Variants in SCAPER observed in about 807,000 individuals in gnomAD.
The protein encoded by SCAPER is S phase cyclin A-associated protein in the endoplasmic reticulum.
A neutral mutation model predicts 182.2 loss-of-function variants in SCAPER; 98 were observed. That is an observed-to-expected ratio of 0.54 (90% confidence interval 0.46 to 0.64). The LOEUF (loss-of-function observed/expected upper bound fraction) is 0.64, where lower values mean the gene tolerates loss of function less well. Ranked by LOEUF, SCAPER falls within the 30% of genes least tolerant of loss-of-function variation. The probability of loss-of-function intolerance (pLI) is 0.00; values close to 1 mark genes in which losing one functional copy is unlikely to be tolerated. For missense variants in SCAPER, 1,432 were observed against 1,690.0 expected, an observed-to-expected ratio of 0.85 and a Z score of 2.68; for synonymous variants, 605 against 564.6, an observed-to-expected ratio of 1.07 and a Z score of -1.01.
At chr15:76,871,408 CAAA>C (rs1220368116) in intron 2 of SCAPER, among the ~76,000 whole-genome samples, 1 of 67,944 alleles carries the variant, frequency 1.5e-5, no homozygotes, top group Non-Finnish European at 3.1e-5. Flanking sequence ...GACTCCATCT[CAAA>C]AAAAAAAAAA....
chr15:76,361,977 A>G (rs2041450009), intron 29 of SCAPER, among the ~76,000 whole-genome samples: 1 of 144,090 alleles, frequency 6.9e-6, no homozygotes, highest in Non-Finnish European at 1.5e-5. Context: ...TGTTAAACAC[A>G]TTTTTTTTTT....
intron 5 of SCAPER, among the ~76,000 whole-genome samples, chr15:76,817,155 T>C (rs962401313): frequency 2.0e-5 from 3 of 152,234 alleles, no homozygotes; most frequent in African/African-American, 7.2e-5. Flanking sequence ...ATTATAATCT[T>C]ATGAACCACC....
intron 18 of SCAPER, 51 bp from the exon 19 acceptor site, chr15:76,703,053 T>G: frequency 6.7e-7 from 1 of 1,499,676 alleles, no homozygotes; most frequent in South Asian, 1.4e-5. Context: ...CAAATTATGG[T>G]GAGAAATTGG....
At chr15:76,876,438 CAAAAAA>C (rs33959211) in intron 2 of SCAPER, among the ~76,000 whole-genome samples, 1 of 122,752 alleles carries the variant, frequency 8.1e-6, no homozygotes, top group Non-Finnish European at 1.7e-5. Context: ...AAAACAAAAG[CAAAAAA>C]AAAAAAAAAA....
At chr15:76,831,559 T>C (rs560845777) in intron 5 of SCAPER, among the ~76,000 whole-genome samples, 6 of 138,326 alleles carry the variant, frequency 4.3e-5, no homozygotes, top group African/African-American at 1.4e-4. Context: ...AATCACCCCA[T>C]TGGTGAGTAC....
chr15:76,393,376 T>C (rs1270125226), intron 27 of SCAPER, among the ~76,000 whole-genome samples: 1 of 152,248 alleles, frequency 6.6e-6, no homozygotes, highest in African/African-American at 2.4e-5. Context: ...TGCCTAGTCC[T>C]GTTACATTCA....
intron 20 of SCAPER, among the ~76,000 whole-genome samples, chr15:76,678,468 G>A (rs930303271): frequency 6.6e-6 from 1 of 151,996 alleles, no homozygotes; most frequent in Admixed American, 6.5e-5. Flanking sequence ...CTTTAAGCCT[G>A]CCCAGCACGA....
At chr15:76,756,369 G>T (rs1353845978) in intron 14 of SCAPER, among the ~76,000 whole-genome samples, 1 of 151,956 alleles carries the variant, frequency 6.6e-6, no homozygotes, top group Non-Finnish European at 1.5e-5. Context: ...TTGATGCCAG[G>T]AATTTGAGAC....
chr15:76,595,050 A>C (rs1415813571), intron 22 of SCAPER, among the ~76,000 whole-genome samples: 1 of 121,418 alleles, frequency 8.2e-6, no homozygotes, highest in Non-Finnish European at 2.0e-5. Flanking sequence ...ATAAAGAGTC[A>C]AGAACCATTA....
intron 17 of SCAPER, among the ~76,000 whole-genome samples, chr15:76,714,549 A>G (rs1224471527): frequency 1.3e-5 from 2 of 151,766 alleles, no homozygotes; most frequent in Non-Finnish European, 2.9e-5. Flanking sequence ...TAGTAGTAGT[A>G]GTAGTAGTAG....
intron 23 of SCAPER, among the ~76,000 whole-genome samples, chr15:76,505,741 G>C (rs568792137): frequency 6.6e-6 from 1 of 152,246 alleles, no homozygotes; most frequent in South Asian, 2.1e-4. Flanking sequence ...CCACTGGTAG[G>C]TATATGCCCA....
chr15:76,512,295 TTTCACTGGAA>T (rs1206460224), intron 23 of SCAPER, among the ~76,000 whole-genome samples: 44 of 152,034 alleles, frequency 2.9e-4, no homozygotes, highest in African/African-American at 1.0e-3. Flanking sequence ...CAGAATAGTT[TTTCACTGGAA>T]ATGAGCTTCA....
At chr15:76,816,361 T>C (rs926178026) in intron 5 of SCAPER, among the ~76,000 whole-genome samples, 6 of 152,128 alleles carry the variant, frequency 3.9e-5, no homozygotes, top group African/African-American at 1.4e-4. Context: ...TATCTAACAT[T>C]TTTTTTCCTT....
At chr15:76,623,337 G>A (rs909556563) in intron 21 of SCAPER, among the ~76,000 whole-genome samples, 1 of 152,082 alleles carries the variant, frequency 6.6e-6, no homozygotes, top group Admixed American at 6.6e-5. Flanking sequence ...TGTCTAGAAT[G>A]GTATTCCCTA....
At chr15:76,359,960 T>C (rs1157115795) in intron 29 of SCAPER, among the ~76,000 whole-genome samples, 1 of 152,196 alleles carries the variant, frequency 6.6e-6, no homozygotes, top group African/African-American at 2.4e-5. Context: ...GAAATACAGA[T>C]GGCAGATTTT....
intron 5 of SCAPER, among the ~76,000 whole-genome samples, chr15:76,820,686 A>G (rs898962439): frequency 3.3e-5 from 5 of 152,008 alleles, no homozygotes; most frequent in African/African-American, 4.8e-5. Flanking sequence ...ACATGTATAC[A>G]TATGTAACAA....
intron 18 of SCAPER, among the ~76,000 whole-genome samples, chr15:76,704,984 G>C (rs188842556): frequency 6.6e-6 from 1 of 152,164 alleles, no homozygotes; most frequent in Non-Finnish European, 1.5e-5. Flanking sequence ...GGAAGTCAGT[G>C]TGGCGATTCC....
At chr15:76,520,719 A>G (rs1597168654) in intron 23 of SCAPER, among the ~76,000 whole-genome samples, 2 of 152,154 alleles carry the variant, frequency 1.3e-5, no homozygotes, top group Non-Finnish European at 2.9e-5. Flanking sequence ...ATTCCCATCT[A>G]CATGTGGAAA....
At chr15:76,722,136 AG>A (rs1386563109) in intron 17 of SCAPER, among the ~76,000 whole-genome samples, 4 of 152,254 alleles carry the variant, frequency 2.6e-5, no homozygotes, top group African/African-American at 4.8e-5. Context: ...TTTAGCATGA[AG>A]GGTTGTTGAA....
Sources: gnomAD v4.1 joint callset for allele counts (sites outside exome capture counted in the v4.1 genomes callset) on GRCh38, gnomAD v4.1.1 for gene constraint, MANE v1.5 for transcripts, NCBI Gene and HGNC (gene_info 2026-07-23, HGNC 2026-07-21) for gene names.